The following SAMD12 variants were observed in gnomAD, a reference collection of about 807,000 sequenced individuals.
The protein encoded by SAMD12 is sterile alpha motif domain-containing protein 12.
Under a neutral mutation model 15.0 loss-of-function variants are expected in SAMD12, and 9 were observed. The ratio of observed to expected loss-of-function variants is 0.60; its 90% confidence interval spans 0.36 to 1.05. SAMD12 has a LOEUF of 1.05. Ranked by LOEUF, SAMD12 falls within the 50% of genes least tolerant of loss-of-function variation. The pLI is 0.01. For missense variants in SAMD12, 230 were observed against 234.2 expected, an observed-to-expected ratio of 0.98 and a Z score of 0.12; for synonymous variants, 86 against 90.1, an observed-to-expected ratio of 0.96 and a Z score of 0.25.
At chr8:118,497,910 T>C (rs1005133663) in intron 2 of SAMD12, among the ~76,000 whole-genome samples, 1 of 152,018 alleles carries the variant, frequency 6.6e-6, no homozygotes, top group Admixed American at 6.6e-5. Flanking sequence ...AAATCTGAGA[T>C]GTCAGAGGAG....
At chr8:118,363,362 T>A (rs1818600745) in intron 4 of SAMD12, among the ~76,000 whole-genome samples, 1 of 152,158 alleles carries the variant, frequency 6.6e-6, no homozygotes, top group Admixed American at 6.6e-5. Flanking sequence ...TCCCTCCCCA[T>A]GTCAATGGTC....
chr8:118,590,134 A>G, intron 1 of SAMD12, among the ~76,000 whole-genome samples: 1 of 152,338 alleles, frequency 6.6e-6, no homozygotes, highest in East Asian at 1.9e-4. Flanking sequence ...AAAATAATAT[A>G]CAAGAGCTTG....
chr8:118,286,538 C>T (rs1226443740), intron 4 of SAMD12, among the ~76,000 whole-genome samples: 1 of 146,278 alleles, frequency 6.8e-6, no homozygotes, highest in Admixed American at 6.8e-5. Context: ...ACTCCCTTAG[C>T]CTATTGAGAT....
chr8:118,465,663 G>A (rs1563876865), intron 2 of SAMD12, among the ~76,000 whole-genome samples: 1 of 151,764 alleles, frequency 6.6e-6, no homozygotes, highest in African/African-American at 2.4e-5. Flanking sequence ...TTTAAAGGCA[G>A]TTATTTTATG....
chr8:118,450,283 C>T (rs757012779), intron 2 of SAMD12, among the ~76,000 whole-genome samples: 10 of 152,164 alleles, frequency 6.6e-5, no homozygotes, highest in African/African-American at 7.2e-5. Flanking sequence ...GGAAACAAGA[C>T]GTCCTGGCAG....
chr8:118,378,454 T>C lies in SAMD12; in HGVS notation c.*963A>G. 1.0e-6 allele frequency: 1 copy of C among 983,132 alleles called. No individual in the cohort carries two copies. The highest frequency in any genetic ancestry group is 1.2e-6 in the Non-Finnish European group (1 of 827,922). The allele number at this position is 983,132 out of a possible 1,614,324, so 60.9% of individuals were successfully genotyped here. A position where few individuals can be genotyped will look rare whatever the true frequency, so the allele number is the denominator to read the frequency against. On this transcript the variant is annotated 3_prime_UTR_variant, in exon 4 of 4. Transcript: ENST00000314727. Reference sequence around the variant, plus strand: ...GAGGACAAAATGCAAATAATGCATATGAGACAAACAATACTATTTTACGAT... The same window carrying C: ...GAGGACAAAATGCAAATAATGCATACGAGACAAACAATACTATTTTACGAT...
chr8:118,527,210 A>G (rs1026210422), intron 2 of SAMD12, among the ~76,000 whole-genome samples: 2 of 152,150 alleles, frequency 1.3e-5, no homozygotes, highest in African/African-American at 4.8e-5. Context: ...TTCCAGTATC[A>G]ACCCTCCAAA....
intron 4 of SAMD12, among the ~76,000 whole-genome samples, chr8:118,239,545 C>T (rs959746558): frequency 8.5e-5 from 13 of 152,104 alleles, no homozygotes; most frequent in Non-Finnish European, 1.5e-4. Context: ...CACCAGTTTC[C>T]TCCCAGCAAA....
chr8:118,267,547 T>C (rs1388326502), intron 4 of SAMD12, among the ~76,000 whole-genome samples: 2 of 152,158 alleles, frequency 1.3e-5, no homozygotes, highest in Non-Finnish European at 2.9e-5. Flanking sequence ...AAAGATGAGA[T>C]GGGGAGAAAC....
At chr8:118,451,214 A>C (rs1823071636) in intron 2 of SAMD12, among the ~76,000 whole-genome samples, 1 of 152,186 alleles carries the variant, frequency 6.6e-6, no homozygotes, top group African/African-American at 2.4e-5. Flanking sequence ...ATAGCACTCT[A>C]ATTTGATAGA....
At chr8:118,451,631 C>T (rs1182433615) in intron 2 of SAMD12, among the ~76,000 whole-genome samples, 5 of 152,136 alleles carry the variant, frequency 3.3e-5, no homozygotes, top group Admixed American at 6.5e-5. Flanking sequence ...AGGGATGTTA[C>T]GGTCACCATG....
At chr8:118,382,495 T>C (rs1475697873) in intron 3 of SAMD12, among the ~76,000 whole-genome samples, 24 of 152,244 alleles carry the variant, frequency 1.6e-4, no homozygotes, top group Non-Finnish European at 2.9e-5. Flanking sequence ...ATAGCCCTAC[T>C]AGAATGTTAT....
intron 4 of SAMD12, among the ~76,000 whole-genome samples, chr8:118,364,185 T>A (rs1818648697): frequency 6.6e-6 from 1 of 152,184 alleles, no homozygotes; most frequent in South Asian, 2.1e-4. Context: ...CCCTTATACC[T>A]GCCAAGCACA....
chr8:118,462,285 T>C (rs566825112), intron 2 of SAMD12, among the ~76,000 whole-genome samples: 5 of 152,356 alleles, frequency 3.3e-5, no homozygotes, highest in East Asian at 1.9e-4. Flanking sequence ...AAGTAAAGGA[T>C]ATGGTTATTC....
At chr8:118,457,918 C>A (rs1441855232) in intron 2 of SAMD12, among the ~76,000 whole-genome samples, 1 of 152,166 alleles carries the variant, frequency 6.6e-6, no homozygotes, top group Non-Finnish European at 1.5e-5. Flanking sequence ...TTGAGGGTGA[C>A]CGGCCTCCTC....
chr8:118,269,737 G>T (rs1813299707), intron 4 of SAMD12, among the ~76,000 whole-genome samples: 1 of 152,160 alleles, frequency 6.6e-6, no homozygotes, highest in African/African-American at 2.4e-5. Context: ...CTCTGGTAGT[G>T]TTTACAAAAC....
At chr8:118,532,546 C>T (rs1018404925) in intron 2 of SAMD12, among the ~76,000 whole-genome samples, 9 of 152,246 alleles carry the variant, frequency 5.9e-5, no homozygotes, top group Admixed American at 1.3e-4. Flanking sequence ...TGGTAGAATT[C>T]GGCTGTGAAT....
the SAMD12 span, among the ~76,000 whole-genome samples, chr8:118,169,593 T>C: frequency 3.3e-5 from 5 of 152,212 alleles, no homozygotes. Context: ...GGACCACTTG[T>C]AGTCTATCAG....
rs542506489 is a variant in SAMD12 at position 118,595,108 on chromosome 8, G to A, written c.14-14215C>T. Among the ~76,000 whole-genome samples the A allele has an allele frequency of 9.2e-5, 14 of 152,220 alleles. No homozygotes were observed. The East Asian group carries it at 2.3e-3, about 25-fold the overall frequency. On this transcript the variant is annotated intron_variant, in intron 1 of 3. Coordinates refer to ENST00000314727, the MANE Select transcript of SAMD12 (RefSeq NM_207506.3). ...TCAACACATATCCCATATCCCTCAT[G>A]TTCCCACCCATGCATCCTACAGCCC...
Sources: allele counts gnomAD v4.1 joint callset (sites outside exome capture counted in the v4.1 genomes callset), GRCh38; gene constraint gnomAD v4.1.1; transcripts MANE v1.5; gene names NCBI Gene and HGNC (gene_info 2026-07-23, HGNC 2026-07-21).